The following ANK1 variants were observed in gnomAD, a reference collection of about 807,000 sequenced individuals.
The protein encoded by ANK1 is ankyrin 1, also known as ankyrin-1.
Under a neutral mutation model 210.4 loss-of-function variants are expected in ANK1, and 51 were observed. The observed-to-expected ratio is 0.24, with a 90% CI of 0.19 to 0.31. The LOEUF is 0.31. ANK1 is among the 10% of genes least tolerant of loss of function. The pLI is 1.00. For missense variants in ANK1, 2,051 were observed against 2,504.4 expected (o/e 0.82, Z 3.86); for synonymous variants, 967 against 1,025.9 (o/e 0.94, Z 1.10).
chr8:41,739,658 C>T (rs1834259982), intron 2 of ANK1, among the ~76,000 whole-genome samples: 1 of 151,736 alleles, frequency 6.6e-6, no homozygotes, highest in Non-Finnish European at 1.5e-5. Flanking sequence ...AAGTTGTCAG[C>T]ATGGAGGTGA....
At chr8:41,700,466 A>C in intron 22 of ANK1, 1 of 1,613,446 alleles carries the variant, frequency 6.2e-7, no homozygotes, top group South Asian at 1.1e-5. Context: ...TGGAAAGCAA[A>C]GGAGAGCAGA....
intron 39 of ANK1, 54 bp from the exon 40 acceptor site, chr8:41,663,796 G>C (rs924618480): frequency 7.1e-7 from 1 of 1,413,218 alleles, no homozygotes; most frequent in Non-Finnish European, 1.0e-6. Flanking sequence ...AGTCTGGGAG[G>C]AAGGGTGGAG....
intron 1 of ANK1, among the ~76,000 whole-genome samples, chr8:41,838,167 C>T (rs188102034): frequency 6.6e-6 from 1 of 152,300 alleles, no homozygotes; most frequent in Admixed American, 6.5e-5. Context: ...TTTATCCTCA[C>T]ACTGAGGATA....
intron 2 of ANK1, among the ~76,000 whole-genome samples, chr8:41,740,809 A>G (rs1054662040): frequency 7.9e-5 from 12 of 152,158 alleles, no homozygotes; most frequent in Non-Finnish European, 1.3e-4. Flanking sequence ...GTCCCCTGGG[A>G]TACAGGCGCA....
intron 1 of ANK1, among the ~76,000 whole-genome samples, chr8:41,818,152 A>C (rs1465847431): frequency 6.6e-6 from 1 of 152,250 alleles, no homozygotes; most frequent in East Asian, 1.9e-4. Flanking sequence ...GAAAGGGTTA[A>C]TAACTAATGG....
At chr8:41,705,956 A>T (rs940199152) in intron 18 of ANK1, among the ~76,000 whole-genome samples, 187 bp downstream of exon 18, 3 of 152,228 alleles carry the variant, frequency 2.0e-5, no homozygotes, top group Non-Finnish European at 2.9e-5. Context: ...AGCAAACTTT[A>T]AAAAAATCCC....
At chr8:41,844,332 G>A (rs954440291) in intron 1 of ANK1, among the ~76,000 whole-genome samples, 3 of 152,176 alleles carry the variant, frequency 2.0e-5, no homozygotes, top group Non-Finnish European at 4.4e-5. Flanking sequence ...AGGTGTTGGC[G>A]AATGGGTAGA....
intron 1 of ANK1, among the ~76,000 whole-genome samples, chr8:41,795,068 C>T (rs942262644): frequency 1.3e-5 from 2 of 152,190 alleles, no homozygotes; most frequent in Non-Finnish European, 2.9e-5. Flanking sequence ...AGAAAACACT[C>T]TTATTTTCTC....
chr8:41,742,989 A>C (rs1835160164), intron 2 of ANK1, among the ~76,000 whole-genome samples: 1 of 152,198 alleles, frequency 6.6e-6, no homozygotes, highest in Admixed American at 6.5e-5. Flanking sequence ...CTGTTGAGTT[A>C]TTATAAACAA....
intron 1 of ANK1, among the ~76,000 whole-genome samples, chr8:41,851,591 C>T (rs1811263137): frequency 6.6e-6 from 1 of 152,254 alleles, no homozygotes. Flanking sequence ...TGGCTCACAC[C>T]TGTAATCCTA....
intron 1 of ANK1, among the ~76,000 whole-genome samples, chr8:41,867,576 T>A (rs564552398): frequency 6.6e-6 from 1 of 152,028 alleles, no homozygotes; most frequent in African/African-American, 2.4e-5. Flanking sequence ...CCTTTTCCCA[T>A]GCCATTCCCT....
chr8:41,722,485 C>G (rs74387374), intron 9 of ANK1, among the ~76,000 whole-genome samples: 1,911 of 152,318 alleles, frequency 0.013, 47 homozygotes, highest in African/African-American at 0.042. Context: ...GGGCAGAGGG[C>G]CCAGAGCAGG....
At chr8:41,750,196 C>T (rs1186314932) in intron 2 of ANK1, among the ~76,000 whole-genome samples, 1 of 152,164 alleles carries the variant, frequency 6.6e-6, no homozygotes, top group African/African-American at 2.4e-5. Context: ...TCCAAATGCC[C>T]GCAACCCTTT....
Position 41,662,242 on chromosome 8 carries a change from G to C in ANK1, c.5479-301C>G, listed in dbSNP as rs570518441. Among the ~76,000 whole-genome samples, 573 of 149,556 alleles carry C rather than the reference G, an allele frequency of 3.8e-3. 5 individuals are homozygous for C. The highest frequency in any genetic ancestry group is 0.014 in the African/African-American group (546 of 40,256). ...ACTGCACTCCAGCCTGGTTGACAGA[G>C]CAACACTCTGTGTCAAAAAAAAAAA... On this transcript the variant is annotated intron_variant, in intron 40 of 42. Coordinates refer to ENST00000289734, the MANE Select transcript of ANK1 (RefSeq NM_000037.4).
chr8:41,717,742 T>A, intron 11 of ANK1, 40 bp from the exon 12 acceptor site: 1 of 1,474,990 alleles, frequency 6.8e-7, no homozygotes, highest in South Asian at 1.2e-5. Context: ...GTGGGAGTCT[T>A]TCCGCTCCCC....
intron 1 of ANK1, among the ~76,000 whole-genome samples, chr8:41,822,748 T>C (rs1430191396): frequency 6.6e-6 from 1 of 152,196 alleles, no homozygotes; most frequent in African/African-American, 2.4e-5. Flanking sequence ...CCAGAGCTAC[T>C]GCCTTGGATC....
intron 1 of ANK1, among the ~76,000 whole-genome samples, chr8:41,770,719 C>G (rs1022867604): frequency 6.6e-6 from 1 of 152,128 alleles, no homozygotes; most frequent in African/African-American, 2.4e-5. Context: ...CTTAGGCAGG[C>G]GATGAGTCAG....
At chr8:41,884,169 G>T (rs1181279605) in intron 1 of ANK1, among the ~76,000 whole-genome samples, 1 of 152,126 alleles carries the variant, frequency 6.6e-6, no homozygotes, top group Non-Finnish European at 1.5e-5. Context: ...GGGTAATATG[G>T]TGAAACCCTG....
At position 41,837,869 on chromosome 8, in the gene ANK1, C is replaced by CA. The variant is rs370532327; in HGVS notation, c.126+58485dup. On this transcript the variant is annotated intron_variant, in intron 1 of 42. Transcript: ENST00000265709. ...CTGGGCAACAGAGCGAGACGCATCT[C>CA]AAAAAAAAAAATGTTAATTTAATGG... Among the ~76,000 whole-genome samples the CA allele has an allele frequency of 4.0e-3, 589 of 146,562 alleles. 2 individuals are homozygous for CA. Among genetic ancestry groups the CA allele is most frequent in the African/African-American group, 0.012 (475 of 40,094 alleles).
Sources: gnomAD v4.1 joint callset for allele counts (sites outside exome capture counted in the v4.1 genomes callset) on GRCh38, gnomAD v4.1.1 for gene constraint, MANE v1.5 for transcripts, NCBI Gene and HGNC (gene_info 2026-07-23, HGNC 2026-07-21) for gene names.